Variants in STRADA observed in about 807,000 individuals in gnomAD.
STRADA encodes STE20 related adaptor alpha.
In STRADA, 26 loss-of-function variants were observed where a neutral mutation model predicts 55.0. The observed-to-expected ratio is 0.47, with a 90% CI of 0.35 to 0.66. STRADA has a LOEUF of 0.66. Ranked by LOEUF, STRADA falls within the 30% of genes least tolerant of loss-of-function variation. The probability of loss-of-function intolerance (pLI) is 0.01; values close to 1 mark genes in which losing one functional copy is unlikely to be tolerated. For missense variants in STRADA, 443 were observed against 549.7 expected (o/e 0.81, Z 1.94); for synonymous variants, 197 against 210.9 (o/e 0.93, Z 0.57).
intron 5 of STRADA, 124 bp from the exon 6 acceptor site, chr17:63,713,651 C>CTTT: frequency 3.1e-6 from 3 of 979,812 alleles, no homozygotes; most frequent in East Asian, 3.1e-5. Flanking sequence ...ACTACTGTTA[C>CTTT]TTTTTTTTTT....
intron 1 of STRADA, among the ~76,000 whole-genome samples, chr17:63,740,125 T>TAC (rs1899251188): frequency 5.2e-5 from 4 of 77,008 alleles, no homozygotes; most frequent in South Asian, 5.7e-4. Flanking sequence ...TACATATATA[T>TAC]ATACACATAC....
rs80007600 is a variant in STRADA, at chr17:63,723,664, T to C, written c.95-338A>G. ...CACAATGTTATTATGAATAGGCCAGTTCCTTATATTTTGTGAATAAACAAT... is the reference window on the plus strand; with the variant it reads ...CACAATGTTATTATGAATAGGCCAGCTCCTTATATTTTGTGAATAAACAAT... On this transcript the variant is annotated intron_variant, in intron 3 of 12. Transcript: ENST00000336174. 1,458 of 220,274 alleles carry C rather than the reference T, an allele frequency of 6.6e-3. 59 individuals carry two copies. The East Asian group carries it at 0.11, about 17-fold the overall frequency. The allele number at this position is 220,274 out of a possible 1,614,324, so 13.6% of individuals were successfully genotyped here.
chr17:63,741,876 G>C (rs376963363), upstream of STRADA: 1 of 152,362 alleles, frequency 6.6e-6, no homozygotes, highest in African/African-American at 2.4e-5. Flanking sequence ...CGGGAGGACT[G>C]ATAGAGCGCT....
chr17:63,716,626 C>A (rs1046705561), intron 4 of STRADA, among the ~76,000 whole-genome samples: 1 of 152,052 alleles, frequency 6.6e-6, no homozygotes, highest in Non-Finnish European at 1.5e-5. Context: ...GTAGGCCCCA[C>A]GGAACTCTGA....
chr17:63,706,375 G>A (rs1162611139), intron 10 of STRADA: 5 of 425,780 alleles, frequency 1.2e-5, no homozygotes, highest in Non-Finnish European at 2.1e-5. Flanking sequence ...GTTTTAAATA[G>A]ACATGTAGCG....
intron 1 of STRADA, among the ~76,000 whole-genome samples, chr17:63,740,147 T>TACACACACATATATACACACACACAC (rs2038822732): frequency 1.5e-5 from 1 of 67,010 alleles, no homozygotes; most frequent in African/African-American, 6.9e-5. Flanking sequence ...TATATATATA[T>TACACACACATATATACACACACACAC]ACACACACAC....
intron 1 of STRADA, 136 bp from the exon 2 acceptor site, chr17:63,728,549 AGAAAC>A: frequency 3.8e-6 from 2 of 527,180 alleles, no homozygotes; most frequent in Admixed American, 7.3e-5. Context: ...ATTTGTTTAG[AGAAAC>A]TTTAAGTGAT....
At chr17:63,725,361 G>T (rs745497243) in intron 3 of STRADA, among the ~76,000 whole-genome samples, 6 of 151,958 alleles carry the variant, frequency 3.9e-5, no homozygotes, top group Non-Finnish European at 7.4e-5. Flanking sequence ...TTTTTGAGAC[G>T]GAGTCTCAAA....
rs1206092601 is a variant in STRADA, at chr17:63,726,701, G to A, written c.37-6C>T. On this transcript the variant is annotated splice_polypyrimidine_tract_variant and splice_region_variant and intron_variant, in intron 2 of 12. Transcript: ENST00000336174. ...AACTTTTCCGAGACCCACCGCTAAA[G>A]AGGAAAACCCCAAAGAGAATTAGTA... 1 of 1,613,934 alleles carries A rather than the reference G, an allele frequency of 6.2e-7. No individual in the cohort carries two copies. Among genetic ancestry groups the A allele is most frequent in the Admixed American group, 1.7e-5 (1 of 59,980 alleles).
At chr17:63,706,585 T>A in intron 10 of STRADA, 50 bp downstream of exon 10, 1 of 1,359,330 alleles carries the variant, frequency 7.4e-7, no homozygotes, top group Non-Finnish European at 1.0e-6. Context: ...TCAACGAACA[T>A]CTGTGGAAGG....
chr17:63,723,951 G>C (rs1253512708), intron 3 of STRADA: 2 of 152,136 alleles, frequency 1.3e-5, no homozygotes, highest in Non-Finnish European at 2.9e-5. Flanking sequence ...GCCAAATTCT[G>C]TATGTGCTTT....
rs141081057 is a variant in STRADA, at chr17:63,710,784, C to T, written c.401G>A (p.Arg134Gln). 3.1e-6 allele frequency: 5 copies of T among 1,614,096 alleles called. No homozygotes were observed. In the South Asian group the frequency reaches 3.3e-5, roughly 11 times the overall value. Residue 134 changes from arginine (R) to glutamine (Q), a missense_variant, in exon 7 of 13, where the codon CGA becomes CAA. By Grantham distance (43) the Arg-to-Gln change is conservative. Coordinates refer to ENST00000336174, the MANE Select transcript of STRADA (RefSeq NM_001003787.4). The part of the protein sequence containing the change: ...LFNHPNIVPY[R>Q]ATFIADNELW... ...CTCATTGTCTGCAATAAAAGTGGCT[C>T]GATATGGCACGATATTGGGATGGTT...
Position 63,710,030 on chromosome 17 carries a change from CTCT to C in STRADA, c.581+458_581+460del, listed in dbSNP as rs375683276. ...GCAAGGTCAGAATCCAGATCCTTCT[CTCT>C]TTTTTTTTTTTTTTTTTTCAGACAA... On this transcript the variant is annotated intron_variant, in intron 8 of 12. Coordinates refer to ENST00000336174, the MANE Select transcript of STRADA (RefSeq NM_001003787.4). 6.8e-3 allele frequency among the ~76,000 whole-genome samples: 1,004 copies of C among 148,704 alleles called. 15 individuals are homozygous for C. Among genetic ancestry groups the C allele is most frequent in the African/African-American group, 0.024 (949 of 39,526 alleles).
chr17:63,721,200 C>G (rs182946875), intron 4 of STRADA, among the ~76,000 whole-genome samples: 1 of 151,384 alleles, frequency 6.6e-6, no homozygotes, highest in Admixed American at 6.6e-5. Flanking sequence ...GGTGAAACTC[C>G]GTCTCTATTA....
intron 4 of STRADA, among the ~76,000 whole-genome samples, chr17:63,714,940 CTG>C (rs1216475078): frequency 1.3e-5 from 2 of 152,360 alleles, no homozygotes; most frequent in African/African-American, 4.8e-5. Context: ...GATTTAGGGA[CTG>C]TGACTGCTTT....
intron 1 of STRADA, among the ~76,000 whole-genome samples, chr17:63,739,512 C>G (rs1460439784): frequency 6.6e-6 from 1 of 151,968 alleles, no homozygotes; most frequent in Non-Finnish European, 1.5e-5. Flanking sequence ...TCACTCTGCT[C>G]CCTTCAAATT....
At chr17:63,719,569 C>T (rs541124664) in intron 4 of STRADA, among the ~76,000 whole-genome samples, 1 of 152,050 alleles carries the variant, frequency 6.6e-6, no homozygotes, top group Non-Finnish European at 1.5e-5. Context: ...CTGCAACCTC[C>T]ACCTCCCAGG....
At chr17:63,738,887 C>G (rs1193350060) in intron 1 of STRADA, among the ~76,000 whole-genome samples, 2 of 149,846 alleles carry the variant, frequency 1.3e-5, no homozygotes, top group Non-Finnish European at 3.0e-5. Flanking sequence ...TGCGGTGGCT[C>G]ACGCCTGTAA....
intron 1 of STRADA, among the ~76,000 whole-genome samples, chr17:63,731,685 T>G (rs570543589): frequency 6.1e-4 from 93 of 152,244 alleles, no homozygotes; most frequent in Admixed American, 2.2e-3. Context: ...TATTTAATAG[T>G]ATTAAACACA....
Sources: gnomAD v4.1 joint callset for allele counts (sites outside exome capture counted in the v4.1 genomes callset) on GRCh38, gnomAD v4.1.1 for gene constraint, MANE v1.5 for transcripts, NCBI Gene and HGNC (gene_info 2026-07-23, HGNC 2026-07-21) for gene names.